The following CAST variants were observed in gnomAD, a reference collection of about 807,000 sequenced individuals.
CAST encodes calpastatin, also known as MIR583 host.
CAST carries 76 observed loss-of-function variants against 119.6 expected under a neutral mutation model. The observed-to-expected ratio is 0.64, with a 90% CI of 0.53 to 0.77. The LOEUF is 0.77. Ranked by LOEUF, CAST falls within the 30% of genes least tolerant of loss-of-function variation. The pLI is 0.00. For synonymous variants in CAST, 319 were observed against 331.6 expected, an observed-to-expected ratio of 0.96 and a Z score of 0.41; for missense variants, 953 against 946.5, an observed-to-expected ratio of 1.01 and a Z score of -0.09.
At chr5:96,556,147 G>T (rs1746234615) in intron 1 of CAST, among the ~76,000 whole-genome samples, 1 of 152,210 alleles carries the variant, frequency 6.6e-6, no homozygotes, top group Admixed American at 6.5e-5. Context: ...GCAGCTGAGG[G>T]TCCTGACTGT....
At chr5:96,491,194 A>G in the CAST span, among the ~76,000 whole-genome samples, 1 of 152,116 alleles carries the variant, frequency 6.6e-6, no homozygotes, top group African/African-American at 2.4e-5. Flanking sequence ...GACATAAATT[A>G]AAAAGACCAG....
chr5:96,420,777 G>GAGAGAGAGAA, the CAST span, among the ~76,000 whole-genome samples: 2 of 138,060 alleles, frequency 1.4e-5, no homozygotes, highest in Non-Finnish European at 3.1e-5. Context: ...GAGAGGGAGA[G>GAGAGAGAGAA]AGAGAGAGAA....
chr5:96,596,111 C>T (rs1408684812), intron 1 of CAST, among the ~76,000 whole-genome samples: 1 of 152,180 alleles, frequency 6.6e-6, no homozygotes, highest in Non-Finnish European at 1.5e-5. Context: ...TCTCATCCCC[C>T]AGAACCTGTG....
intron 1 of CAST, among the ~76,000 whole-genome samples, chr5:96,629,427 G>C (rs1747783226): frequency 6.6e-6 from 1 of 151,938 alleles, no homozygotes; most frequent in Non-Finnish European, 1.5e-5. Flanking sequence ...CCCTCTGGGT[G>C]GGCCAAGACT....
At chr5:96,399,888 G>T in the CAST span, 1 of 1,284,644 alleles carries the variant, frequency 7.8e-7, no homozygotes, top group South Asian at 1.2e-5. Flanking sequence ...CAGGCAGAAT[G>T]GCAAACATAG....
the CAST span, among the ~76,000 whole-genome samples, chr5:96,406,100 G>A: frequency 6.6e-6 from 1 of 152,050 alleles, no homozygotes; most frequent in African/African-American, 2.4e-5. Context: ...TACCTATGCA[G>A]GCTGACATTT....
the CAST span, chr5:96,412,860 C>A: frequency 1.4e-6 from 1 of 704,214 alleles, no homozygotes; most frequent in Non-Finnish European, 1.8e-6. Context: ...GAGGAAGTGG[C>A]CGTGATTGTT....
the CAST span, among the ~76,000 whole-genome samples, chr5:96,247,242 A>G: frequency 2.0e-5 from 3 of 152,240 alleles, no homozygotes; most frequent in East Asian, 5.8e-4. Context: ...GCCAAACCAC[A>G]TAGAATGAGG....
At chr5:96,496,043 T>TA in the CAST span, among the ~76,000 whole-genome samples, 28 of 152,256 alleles carry the variant, frequency 1.8e-4, no homozygotes, top group Non-Finnish European at 3.4e-4. Context: ...TCATATGTGA[T>TA]AAAAAAATAC....
chr5:96,453,278 G>A, the CAST span, among the ~76,000 whole-genome samples: 1 of 152,084 alleles, frequency 6.6e-6, no homozygotes, highest in Non-Finnish European at 1.5e-5. Context: ...GAACTCTTTT[G>A]GCATTAACTT....
the CAST span, among the ~76,000 whole-genome samples, chr5:96,515,322 G>GT: frequency 6.6e-6 from 1 of 151,444 alleles, no homozygotes; most frequent in African/African-American, 2.4e-5. Context: ...TTGTTTGTTT[G>GT]TTTTTTGTGT....
chr5:96,381,241 A>G, the CAST span, among the ~76,000 whole-genome samples: 33 of 152,294 alleles, frequency 2.2e-4, no homozygotes, highest in Admixed American at 5.2e-4. Context: ...TTTCATAAAA[A>G]TATGTTAATT....
chr5:96,662,766 G>A (rs1748729405), intron 1 of CAST, among the ~76,000 whole-genome samples: 1 of 152,252 alleles, frequency 6.6e-6, no homozygotes, highest in Non-Finnish European at 1.5e-5. Context: ...CTGGTAAGAC[G>A]TGGGTGAATG....
chr5:96,311,245 CTTCT>C, the CAST span, among the ~76,000 whole-genome samples: 2 of 151,776 alleles, frequency 1.3e-5, no homozygotes, highest in African/African-American at 4.8e-5. Context: ...TCCTAGATTC[CTTCT>C]GTTATTAATT....
chr5:96,651,438 C>A (rs1412200562), intron 1 of CAST, among the ~76,000 whole-genome samples: 1 of 152,184 alleles, frequency 6.6e-6, no homozygotes, highest in Non-Finnish European at 1.5e-5. Flanking sequence ...TCTCTGCTGT[C>A]TTTTCAGAAA....
At chr5:96,405,159 G>C in the CAST span, among the ~76,000 whole-genome samples, 3 of 152,180 alleles carry the variant, frequency 2.0e-5, no homozygotes, top group Non-Finnish European at 2.9e-5. Flanking sequence ...TACCTTGGCA[G>C]TAAGGATATA....
chr5:96,591,183 T>G (rs1746956003), intron 1 of CAST, among the ~76,000 whole-genome samples: 1 of 152,232 alleles, frequency 6.6e-6, no homozygotes. Flanking sequence ...CAAATAGCAC[T>G]TATGAAACAG....
the CAST span, among the ~76,000 whole-genome samples, chr5:96,221,955 C>T: frequency 6.6e-6 from 1 of 152,012 alleles, no homozygotes; most frequent in African/African-American, 2.4e-5. Flanking sequence ...AATAAATCCA[C>T]GTATTTACAG....
chr5:96,207,036 T>C, the CAST span, among the ~76,000 whole-genome samples: 15 of 152,210 alleles, frequency 9.9e-5, no homozygotes, highest in East Asian at 2.7e-3. Context: ...TGAGCTTCAT[T>C]CCTAGGTATT....
Sources: gnomAD v4.1 joint callset for allele counts (sites outside exome capture counted in the v4.1 genomes callset) on GRCh38, gnomAD v4.1.1 for gene constraint, MANE v1.5 for transcripts, NCBI Gene and HGNC (gene_info 2026-07-23, HGNC 2026-07-21) for gene names.